The following GAD2 variants were observed in gnomAD, a reference collection of about 807,000 sequenced individuals.
The protein encoded by GAD2 is glutamate decarboxylase 2, also known as 65 kDa glutamic acid decarboxylase.
In GAD2, 22 loss-of-function variants were observed where a neutral mutation model predicts 80.1. The ratio of observed to expected loss-of-function variants is 0.27; its 90% confidence interval spans 0.20 to 0.39. The LOEUF (loss-of-function observed/expected upper bound fraction) is 0.39. GAD2 is among the 10% of genes least tolerant of loss of function. The pLI, the probability that GAD2 is intolerant of heterozygous loss-of-function variation, is 1.00. For missense variants in GAD2, 624 were observed against 738.4 expected (o/e 0.85, Z 1.80); for synonymous variants, 274 against 256.9 (o/e 1.07, Z -0.64).
intron 12 of GAD2, among the ~76,000 whole-genome samples, chr10:26,281,791 C>T (rs529051823): frequency 4.6e-5 from 7 of 152,128 alleles, no homozygotes; most frequent in Non-Finnish European, 5.9e-5. Flanking sequence ...CCTTCCGTGA[C>T]GCCAGGCCGG....
At position 26,219,222 on chromosome 10, in the gene GAD2, T is replaced by G. The variant is rs1182798575; in HGVS notation, c.466T>G (p.Leu156Val). Residue 156 changes from leucine to valine, a missense_variant, in exon 4 of 16, where the codon TTG becomes GTG. By Grantham distance (32) the Leu-to-Val change is conservative (BLOSUM62 1). Transcript: ENST00000376261. ...GGAATTGGCAGACCAACCACAAAAT[T>G]TGGAGGAAATTTTGATGCATTGCCA... ...NWELADQPQN[L>V]EEILMHCQTT... 1 of 1,613,744 alleles carries G rather than the reference T, an allele frequency of 6.2e-7. No individual in the cohort carries two copies. The highest frequency in any genetic ancestry group is 8.5e-7 in the Non-Finnish European group (1 of 1,179,924).
At chr10:26,285,888 A>G (rs1845326643) in intron 12 of GAD2, among the ~76,000 whole-genome samples, 1 of 152,182 alleles carries the variant, frequency 6.6e-6, no homozygotes, top group Admixed American at 6.5e-5. Context: ...CTTGAACTAG[A>G]TATGGATGGA....
chr10:26,286,336 C>G lies in GAD2; in HGVS notation c.1237-9C>G. 1 of 1,610,234 alleles carries G rather than the reference C, an allele frequency of 6.2e-7. No homozygotes were observed. ...TAGAATTTCCTAAATTTTCTCTTCT[C>G]TCTTGTAGGGATTGATGCAGAATTG... On this transcript the variant is annotated splice_polypyrimidine_tract_variant and intron_variant, in intron 12 of 15. Transcript: ENST00000376261.
rs1465333838 is a variant in GAD2, at chr10:26,301,489, T to A, written c.*528T>A. The A allele has an allele frequency of 6.6e-6, 1 of 152,062 alleles. No homozygotes were observed. The highest frequency in any genetic ancestry group is 1.5e-5 in the Non-Finnish European group (1 of 68,002). 9.4% of individuals were successfully genotyped at this position (152,062 alleles called of 1,614,324 possible). Reference sequence around the variant, plus strand: ...GAAAATATATATATTAAAAAAGATATCCTATTTTGTAACATATAGATTTTT... The same window carrying A: ...GAAAATATATATATTAAAAAAGATAACCTATTTTGTAACATATAGATTTTT... On this transcript the variant is annotated 3_prime_UTR_variant, in exon 16 of 16. Transcript: ENST00000376261.
At chr10:26,222,390 C>T (rs7087011) in intron 4 of GAD2, among the ~76,000 whole-genome samples, 19,103 of 151,698 alleles carry the variant, frequency 0.13, 4,000 homozygotes, top group African/African-American at 0.44. Flanking sequence ...TTATTAATTT[C>T]CTCACTTGAA....
At chr10:26,222,007 G>A (rs1412745154) in intron 4 of GAD2, among the ~76,000 whole-genome samples, 3 of 152,152 alleles carry the variant, frequency 2.0e-5, no homozygotes, top group Non-Finnish European at 4.4e-5. Flanking sequence ...TGTCACTAGG[G>A]GAATATTTCT....
intron 8 of GAD2, among the ~76,000 whole-genome samples, chr10:26,252,230 A>G (rs1844888208): frequency 6.6e-6 from 1 of 152,222 alleles, no homozygotes; most frequent in Non-Finnish European, 1.5e-5. Context: ...TTCTGCAGAC[A>G]GTTGAAGGTT....
At chr10:26,237,007 A>C (rs935601264) in intron 7 of GAD2, among the ~76,000 whole-genome samples, 23 of 152,218 alleles carry the variant, frequency 1.5e-4, no homozygotes, top group Admixed American at 1.5e-3. Context: ...AGAGAGGCAA[A>C]GCTGTGAGGT....
At chr10:26,271,014 A>C (rs771657612) in intron 10 of GAD2, among the ~76,000 whole-genome samples, 16 of 152,192 alleles carry the variant, frequency 1.1e-4, no homozygotes, top group Non-Finnish European at 4.4e-5. Context: ...ATCAGTACCC[A>C]AGCTGACCAC....
chr10:26,268,620 T>C (rs1845099195), intron 8 of GAD2, among the ~76,000 whole-genome samples: 1 of 152,258 alleles, frequency 6.6e-6, no homozygotes, highest in Admixed American at 6.5e-5. Context: ...TGGCCTTCTT[T>C]ACGCTTTTAG....
intron 6 of GAD2, among the ~76,000 whole-genome samples, chr10:26,225,486 C>T (rs1037330642): frequency 1.3e-5 from 2 of 152,128 alleles, no homozygotes; most frequent in African/African-American, 4.8e-5. Flanking sequence ...GTGGCAGGAG[C>T]GGATGTCATT....
At chr10:26,255,099 G>A (rs1159193240) in intron 8 of GAD2, among the ~76,000 whole-genome samples, 1 of 152,210 alleles carries the variant, frequency 6.6e-6, no homozygotes, top group Non-Finnish European at 1.5e-5. Context: ...AAGGTGGCCT[G>A]GGAAGGAACT....
intron 13 of GAD2, among the ~76,000 whole-genome samples, chr10:26,288,586 G>T (rs953486812): frequency 1.3e-5 from 2 of 152,144 alleles, no homozygotes; most frequent in African/African-American, 4.8e-5. Flanking sequence ...AATGAGCAGG[G>T]TTTTCATTTC....
intron 13 of GAD2, among the ~76,000 whole-genome samples, chr10:26,288,487 C>A (rs527908543): frequency 6.6e-6 from 1 of 152,152 alleles, no homozygotes; most frequent in Non-Finnish European, 1.5e-5. Context: ...GTGGGAGACT[C>A]ATTCTGCTAG....
Position 26,303,183 on chromosome 10 carries a change from A to C in GAD2, c.*2222A>C, listed in dbSNP as rs1834345092. 2 of 152,146 alleles carry C rather than the reference A, an allele frequency of 1.3e-5. No homozygotes were observed. Among genetic ancestry groups the C allele is most frequent in the Admixed American group, 1.3e-4 (2 of 15,268 alleles). 9.4% of individuals were successfully genotyped at this position (152,146 alleles called of 1,614,324 possible). ...GCTTTTTAGGTTAATGAGATGGTAA[A>C]ATTTTAAAGGACAATTTGTGCCTAT... On this transcript the variant is annotated 3_prime_UTR_variant, in exon 16 of 16. Transcript: ENST00000376261.
intron 5 of GAD2, 83 bp downstream of exon 5, chr10:26,224,060 G>T: frequency 4.6e-5 from 46 of 1,009,644 alleles, no homozygotes; most frequent in South Asian, 1.5e-5. Flanking sequence ...GTGAAAATCT[G>T]TTTTTTATTA....
chr10:26,279,433 C>G (rs3781109), intron 11 of GAD2, among the ~76,000 whole-genome samples: 65,013 of 151,994 alleles, frequency 0.43, 17,886 homozygotes, highest in African/African-American at 0.79. Context: ...GCGAAGAGAC[C>G]CAAGACCTAA....
rs1050135001 is a variant in GAD2 at position 26,217,770 on chromosome 10, C to T, written c.137-72C>T. The T allele has an allele frequency of 2.5e-6, 4 of 1,579,034 alleles. No homozygotes were observed. The highest frequency in any genetic ancestry group is 2.7e-5 in the African/African-American group (2 of 74,224). On this transcript the variant is annotated intron_variant, in intron 2 of 15. Coordinates refer to ENST00000376261, the MANE Select transcript of GAD2 (RefSeq NM_001134366.2). This position sits in a 1 kb window ranked among gnomAD's most constrained non-coding sequence, Gnocchi z 4.9. ...CAGCGGAGTCGGGGTTTCCTGGCTG[C>T]GGGTAGGCGGGAGCGAGGGAGCCGG...
intron 8 of GAD2, among the ~76,000 whole-genome samples, chr10:26,257,329 A>G (rs1312380652): frequency 1.3e-5 from 2 of 152,288 alleles, no homozygotes; most frequent in African/African-American, 4.8e-5. Context: ...GTGAGCCAAG[A>G]TTGCACCACT....
Sources: allele counts gnomAD v4.1 joint callset (sites outside exome capture counted in the v4.1 genomes callset), GRCh38; gene constraint gnomAD v4.1.1; non-coding constraint Gnocchi (gnomAD v3.1); transcripts MANE v1.5; gene names NCBI Gene and HGNC (gene_info 2026-07-23, HGNC 2026-07-21).